Variants in SLC25A48 observed in about 807,000 individuals in gnomAD.
SLC25A48 encodes CTC-321K16.1.
In SLC25A48, 29 loss-of-function variants were observed where a neutral mutation model predicts 32.2. The observed-to-expected ratio is 0.90, with a 90% CI of 0.67 to 1.23. SLC25A48 has a LOEUF of 1.23. Ranked by LOEUF, SLC25A48 falls within the 50% of genes most tolerant of loss-of-function variation. SLC25A48 has a pLI of 0.00. For synonymous variants in SLC25A48, 164 were observed against 172.3 expected (o/e 0.95, Z 0.38); for missense variants, 399 against 422.7 (o/e 0.94, Z 0.49).
At chr5:135,741,161 A>G (rs920632860) in intron 3 of SLC25A48, among the ~76,000 whole-genome samples, 73 of 152,292 alleles carry the variant, frequency 4.8e-4, no homozygotes, top group African/African-American at 1.7e-3. Context: ...AACTTGCCCA[A>G]GGTCACAGCA....
intron 3 of SLC25A48, among the ~76,000 whole-genome samples, chr5:135,751,779 G>A (rs1210412193): frequency 1.3e-5 from 2 of 152,126 alleles, no homozygotes; most frequent in African/African-American, 2.4e-5. Context: ...TGAGCGATGA[G>A]CTATTATCAC....
At chr5:135,821,460 T>C (rs895156892) in intron 4 of SLC25A48, among the ~76,000 whole-genome samples, 20 of 152,162 alleles carry the variant, frequency 1.3e-4, no homozygotes, top group African/African-American at 4.1e-4. Flanking sequence ...TCCAGTTCCC[T>C]GGACTTGGGG....
At chr5:135,696,844 C>T (rs959072647) in intron 3 of SLC25A48, among the ~76,000 whole-genome samples, 1 of 152,116 alleles carries the variant, frequency 6.6e-6, no homozygotes, top group African/African-American at 2.4e-5. Flanking sequence ...CCAGTGCAGC[C>T]ACAGGGGAGC....
chr5:135,822,230 A>T (rs72791366), intron 4 of SLC25A48: 57,973 of 152,134 alleles, frequency 0.38, 12,605 homozygotes, highest in Non-Finnish European at 0.49. Flanking sequence ...TGGTGCTGGG[A>T]GAGCCCTCAA....
intron 3 of SLC25A48, among the ~76,000 whole-genome samples, chr5:135,781,987 G>T (rs531579644): frequency 1.1e-5 from 1 of 89,180 alleles, no homozygotes; most frequent in East Asian, 2.7e-4. Flanking sequence ...ACTTCCCTGT[G>T]ATATTGTTTC....
chr5:135,596,897 C>T (rs956904394), intron 1 of SLC25A48, among the ~76,000 whole-genome samples: 48 of 152,266 alleles, frequency 3.2e-4, no homozygotes, highest in African/African-American at 1.0e-3. Flanking sequence ...TGGGGGTGCA[C>T]TTGGCAGAGG....
intron 3 of SLC25A48, among the ~76,000 whole-genome samples, chr5:135,773,225 A>T (rs1273318834): frequency 1.3e-5 from 2 of 151,456 alleles, no homozygotes; most frequent in Non-Finnish European, 3.0e-5. Flanking sequence ...TATTGGAAGG[A>T]GAGTATGATA....
At chr5:135,731,688 A>G (rs1755227108) in intron 3 of SLC25A48, among the ~76,000 whole-genome samples, 1 of 152,244 alleles carries the variant, frequency 6.6e-6, no homozygotes, top group Non-Finnish European at 1.5e-5. Context: ...GGTCCAAATA[A>G]GAGAAGGAGA....
At chr5:135,694,477 A>G (rs1754221937) in intron 3 of SLC25A48, among the ~76,000 whole-genome samples, 3 of 152,246 alleles carry the variant, frequency 2.0e-5, no homozygotes, top group African/African-American at 4.8e-5. Flanking sequence ...GCAAACAATA[A>G]TGTTAAAATA....
At chr5:135,771,725 T>C (rs1347144372) in intron 3 of SLC25A48, among the ~76,000 whole-genome samples, 1 of 151,524 alleles carries the variant, frequency 6.6e-6, no homozygotes, top group Non-Finnish European at 1.5e-5. Context: ...TGATATTGTT[T>C]GTAATATCCA....
intron 3 of SLC25A48, among the ~76,000 whole-genome samples, chr5:135,754,093 C>T (rs1011185303): frequency 6.6e-6 from 1 of 151,362 alleles, no homozygotes; most frequent in African/African-American, 2.4e-5. Context: ...GTGACAGTGG[C>T]AGTCATGTCT....
At chr5:135,793,184 A>C (rs1451074866) in intron 3 of SLC25A48, among the ~76,000 whole-genome samples, 1 of 151,672 alleles carries the variant, frequency 6.6e-6, no homozygotes, top group Non-Finnish European at 1.5e-5. Flanking sequence ...CTAATATTAC[A>C]CTGGGTGTAC....
chr5:135,590,011 A>T (rs1023387316), intron 1 of SLC25A48, among the ~76,000 whole-genome samples: 6 of 152,188 alleles, frequency 3.9e-5, no homozygotes, highest in African/African-American at 1.4e-4. Context: ...TTTTAAATCC[A>T]GTCTATTGGT....
At chr5:135,712,276 G>T (rs1307247547) in intron 3 of SLC25A48, among the ~76,000 whole-genome samples, 1 of 152,152 alleles carries the variant, frequency 6.6e-6, no homozygotes, top group African/African-American at 2.4e-5. Context: ...TTGGAGCAAA[G>T]AATTCATCAA....
chr5:135,719,594 C>G (rs369018053), intron 3 of SLC25A48, among the ~76,000 whole-genome samples: 1 of 152,110 alleles, frequency 6.6e-6, no homozygotes, highest in African/African-American at 2.4e-5. Context: ...GAACCTTCAC[C>G]CAGGGGATCT....
intron 4 of SLC25A48, among the ~76,000 whole-genome samples, chr5:135,869,135 T>C (rs899465123): frequency 3.3e-5 from 5 of 152,196 alleles, no homozygotes; most frequent in African/African-American, 1.2e-4. Context: ...CTATTTTGCT[T>C]TTTATACTTC....
intron 7 of SLC25A48, among the ~76,000 whole-genome samples, chr5:135,884,754 C>T (rs72791397): frequency 0.31 from 46,606 of 151,936 alleles, 8,523 homozygotes; most frequent in African/African-American, 0.51. Context: ...GACCATTTCC[C>T]GGTGCGAGGC....
At chr5:135,678,687 G>C (rs1753824974) in intron 3 of SLC25A48, among the ~76,000 whole-genome samples, 1 of 152,152 alleles carries the variant, frequency 6.6e-6, no homozygotes, top group Non-Finnish European at 1.5e-5. Context: ...GAGGGACGGG[G>C]GTAATTTTTC....
chr5:135,644,146 C>G (rs928845481), intron 3 of SLC25A48, among the ~76,000 whole-genome samples: 1 of 151,834 alleles, frequency 6.6e-6, no homozygotes, highest in Non-Finnish European at 1.5e-5. Flanking sequence ...ATGAGACAGA[C>G]TTTGAAAGAC....
Sources: allele counts gnomAD v4.1 joint callset (sites outside exome capture counted in the v4.1 genomes callset), GRCh38; gene constraint gnomAD v4.1.1; transcripts MANE v1.5; gene names NCBI Gene and HGNC (gene_info 2026-07-23, HGNC 2026-07-21).